The following FAM217A variants were observed in gnomAD, a reference collection of about 807,000 sequenced individuals.
The protein encoded by FAM217A is family with sequence similarity 217 member A.
Under a neutral mutation model 18.5 loss-of-function variants are expected in FAM217A, and 13 were observed. The observed-to-expected ratio is 0.70, with a 90% CI of 0.46 to 1.12. The LOEUF is 1.12. Among genes scored for constraint, FAM217A ranks in the 50% most tolerant of loss-of-function variants. The probability of loss-of-function intolerance (pLI) is 0.00; values close to 1 mark genes in which losing one functional copy is unlikely to be tolerated. For synonymous variants in FAM217A, 161 were observed against 202.8 expected (o/e 0.79, Z 1.75); for missense variants, 560 against 575.4 (o/e 0.97, Z 0.27).
At chr6:4,073,178 C>T (rs1400106224) in intron 6 of FAM217A, 97 bp downstream of exon 6, 3 of 948,118 alleles carry the variant, frequency 3.2e-6, no homozygotes, top group African/African-American at 3.4e-5. Flanking sequence ...CTATTTTCTT[C>T]TGGTTGTTCA....
At chr6:4,077,525 C>T in intron 1 of FAM217A, 77 bp from the exon 2 acceptor site, 1 of 1,220,898 alleles carries the variant, frequency 8.2e-7, no homozygotes, top group South Asian at 1.2e-5. Context: ...GTTTTGATTT[C>T]CCATCTAAAG....
intron 1 of FAM217A, among the ~76,000 whole-genome samples, chr6:4,077,811 A>G (rs772720427): frequency 1.3e-5 from 2 of 152,210 alleles, no homozygotes; most frequent in African/African-American, 2.4e-5. Context: ...TATTCATTCA[A>G]AACAATTGCT....
rs1769200731 is a variant in FAM217A, at chr6:4,068,911, A to C, written c.1312T>G (p.Trp438Gly). 6.2e-7 allele frequency: 1 copy of C among 1,614,060 alleles called. No individual in the cohort carries two copies. The highest frequency in any genetic ancestry group is 1.3e-5 in the African/African-American group (1 of 74,938). ...VKMVSTRCLP[W>G]RSPMPVSPIP... Reference sequence around the variant, plus strand: ...GGTGAAACTGGCATTGGAGACCTCCATGGCAGACATCTTGTGGAGACCATT... The same window carrying C: ...GGTGAAACTGGCATTGGAGACCTCCCTGGCAGACATCTTGTGGAGACCATT... The change falls in exon 7 of 7, where the codon TGG becomes GGG. Residue 438 changes from tryptophan (W) to glycine (G), a missense_variant. Coordinates refer to ENST00000274673, the MANE Select transcript of FAM217A (RefSeq NM_173563.3).
upstream of FAM217A, among the ~76,000 whole-genome samples, chr6:4,080,765 G>T (rs1289826937): frequency 1.3e-5 from 2 of 152,052 alleles, no homozygotes; most frequent in East Asian, 1.9e-4. Flanking sequence ...CTCCTCCAGG[G>T]CATACATCAT....
intron 2 of FAM217A, among the ~76,000 whole-genome samples, chr6:4,075,992 A>G (rs1486842787): frequency 2.0e-5 from 3 of 152,160 alleles, no homozygotes; most frequent in Non-Finnish European, 2.9e-5. Flanking sequence ...CTTTTTAAAA[A>G]TAATAGTTGC....
At chr6:4,077,566 G>C (rs1007540202) in intron 1 of FAM217A, 118 bp from the exon 2 acceptor site, 6 of 832,202 alleles carry the variant, frequency 7.2e-6, no homozygotes, top group Non-Finnish European at 1.2e-5. Flanking sequence ...AAGCAGAAGA[G>C]AGGGGCTAGG....
At chr6:4,074,345 TAA>T in intron 4 of FAM217A, 96 bp downstream of exon 4, 2 of 992,820 alleles carry the variant, frequency 2.0e-6, no homozygotes, top group South Asian at 3.5e-5. Flanking sequence ...AAATGAAATT[TAA>T]AGTTTAACTT....
chr6:4,082,373 C>T (rs553276766), upstream of FAM217A, among the ~76,000 whole-genome samples: 22 of 152,326 alleles, frequency 1.4e-4, no homozygotes, highest in African/African-American at 5.1e-4. Context: ...ACACGTTTTT[C>T]TCTGACCTTC....
At chr6:4,075,254 AAC>A (rs1769703928) in intron 2 of FAM217A, among the ~76,000 whole-genome samples, 1 of 152,136 alleles carries the variant, frequency 6.6e-6, no homozygotes, top group African/African-American at 2.4e-5. Context: ...GAATCGCTTG[AAC>A]CCAGGAGGTG....
At chr6:4,073,217 A>T in intron 6 of FAM217A, 58 bp downstream of exon 6, 1 of 1,263,612 alleles carries the variant, frequency 7.9e-7, no homozygotes, top group South Asian at 1.3e-5. Context: ...TAGTTATCTC[A>T]TGTGTATCTA....
chr6:4,077,590 G>T, intron 1 of FAM217A, 142 bp from the exon 2 acceptor site: 1 of 718,634 alleles, frequency 1.4e-6, no homozygotes, highest in Non-Finnish European at 2.4e-6. Flanking sequence ...GCAGGGTGGG[G>T]GTGACAGTAC....
In FAM217A at chr6:4,078,896, G is replaced by A. The variant is rs1770057732; in HGVS notation, c.-79C>T. Reference sequence around the variant, plus strand: ...CCTCCCCGGCGTGCTCTCCCGGTGCGCCGCCCCGAGGCCCGAGCGCCTCCG... The same window carrying A: ...CCTCCCCGGCGTGCTCTCCCGGTGCACCGCCCCGAGGCCCGAGCGCCTCCG... On this transcript the variant is annotated 5_prime_UTR_variant, in exon 1 of 7. Transcript: ENST00000274673. 2 of 582,214 alleles carry A rather than the reference G, an allele frequency of 3.4e-6. No homozygotes were observed. Among genetic ancestry groups the A allele is most frequent in the South Asian group, 1.9e-5 (1 of 52,128 alleles). 36.1% of individuals were successfully genotyped at this position (582,214 alleles called of 1,614,324 possible).
chr6:4,070,772 AGGCAGGCGGGTTGCTTGTGCCTG>A (rs1316900065), intron 6 of FAM217A, among the ~76,000 whole-genome samples: 1 of 152,172 alleles, frequency 6.6e-6, no homozygotes, highest in Non-Finnish European at 1.5e-5. Context: ...TGGGAGGCCA[AGGCAGGCGGGTTGCTTGTGCCTG>A]GGATTCTGAG....
At chr6:4,087,291 C>T (rs1397738409), upstream of FAM217A, 28 of 1,233,792 alleles carry the variant, frequency 2.3e-5, no homozygotes, top group Non-Finnish European at 2.4e-5. Context: ...CCACAAATCC[C>T]CAAATGACTT....
At chr6:4,073,796 A>G (rs1008138715) in intron 4 of FAM217A, among the ~76,000 whole-genome samples, 8 of 152,192 alleles carry the variant, frequency 5.3e-5, no homozygotes, top group Non-Finnish European at 1.2e-4. Context: ...AAACAAAAAG[A>G]TTAATTTTCC....
chr6:4,085,311 A>AAAAAATATATATATAT lies in FAM217A; in HGVS notation c.19-502_19-501insATATATATATATTTTT, dbSNP rs377046907. On this transcript the variant is annotated intron_variant, in intron 1 of 8. Transcript: ENST00000639338. ...AGAAGTGTTATTCATTGTAAAAAAAAATATATATATATATATAAAATATGT... is the reference window on the plus strand; with the variant it reads ...AGAAGTGTTATTCATTGTAAAAAAAAAAAAATATATATATATATATATATATATATATAAAATATGT... 3.6e-3 allele frequency among the ~76,000 whole-genome samples: 532 copies of AAAAAATATATATATAT among 146,394 alleles called. 3 individuals carry two copies. Among genetic ancestry groups the AAAAAATATATATATAT allele is most frequent in the East Asian group, 7.9e-3 (39 of 4,906 alleles).
At chr6:4,081,029 T>C (rs1301171813), upstream of FAM217A, among the ~76,000 whole-genome samples, 1 of 152,196 alleles carries the variant, frequency 6.6e-6, no homozygotes, top group Non-Finnish European at 1.5e-5. Context: ...ATTTACAACG[T>C]CTCAATCACT....
chr6:4,080,881 G>T (rs1581900328), upstream of FAM217A, among the ~76,000 whole-genome samples: 2 of 147,154 alleles, frequency 1.4e-5, no homozygotes, highest in Non-Finnish European at 1.5e-5. Context: ...TTTCCTGATT[G>T]TTCAGGAAGT....
At chr6:4,077,031 T>C (rs1158803905) in intron 2 of FAM217A, among the ~76,000 whole-genome samples, 3 of 152,208 alleles carry the variant, frequency 2.0e-5, no homozygotes, top group Admixed American at 1.3e-4. Context: ...CCACCTGCCT[T>C]ACCAATATTT....
Sources: allele counts gnomAD v4.1 joint callset (sites outside exome capture counted in the v4.1 genomes callset), GRCh38; gene constraint gnomAD v4.1.1; transcripts MANE v1.5; gene names NCBI Gene and HGNC (gene_info 2026-07-23, HGNC 2026-07-21).